Variants in EPN1 observed in about 807,000 individuals in gnomAD.
EPN1 encodes the protein epsin-1.
A neutral mutation model predicts 56.9 loss-of-function variants in EPN1; 25 were observed. The ratio of observed to expected loss-of-function variants is 0.44; its 90% confidence interval spans 0.32 to 0.61. The LOEUF (loss-of-function observed/expected upper bound fraction) is 0.61, where lower values mean the gene tolerates loss of function less well. EPN1 is among the 20% of genes least tolerant of loss of function. The pLI, the probability that EPN1 is intolerant of heterozygous loss-of-function variation, is 0.05. For missense variants in EPN1, 785 were observed against 823.7 expected, an observed-to-expected ratio of 0.95 and a Z score of 0.58; for synonymous variants, 411 against 361.8, an observed-to-expected ratio of 1.14 and a Z score of -1.54.
rs1323034565 is a variant in EPN1 at position 55,706,280 on chromosome 19, C to CTTTTTTTTTTTTTTTTTTTTTTTTTT, written c.*10926_*10927insTTTTTTTTTTTTTTTTTTTTTTTTTT. ...TTTCTTCCTTTCTTCTCTTTTTCTTCTTCTTTTTTTTTTTTTTTTAAAAGA... is the reference window on the plus strand; with the variant it reads ...TTTCTTCCTTTCTTCTCTTTTTCTTCTTTTTTTTTTTTTTTTTTTTTTTTTTTTCTTTTTTTTTTTTTTTTAAAAGA... On this transcript the variant is annotated 3_prime_UTR_variant, in exon 11 of 11. Coordinates refer to ENST00000270460, the MANE Select transcript of EPN1 (RefSeq NM_001130072.2). 7.7e-6 allele frequency: 1 copy of CTTTTTTTTTTTTTTTTTTTTTTTTTT among 129,302 alleles called. No individual in the cohort carries two copies. The highest frequency in any genetic ancestry group is 3.2e-5 in the African/African-American group (1 of 31,642). The allele number at this position is 129,302 out of a possible 1,614,324, so 8.0% of individuals were successfully genotyped here. A position where few individuals can be genotyped will look rare whatever the true frequency, so the allele number is the denominator to read the frequency against.
chr19:55,688,932 A>T lies in EPN1; in HGVS notation c.541A>T (p.Ser181Cys). Reference protein sequence around the residue: ...PEAEQAWPQSSGEEELQLQLA... With the variant: ...PEAEQAWPQSCGEEELQLQLA... The stretch of plus-strand genomic sequence containing the variant: ...GGCGGAGCAGGCGTGGCCGCAGAGC[A>T]GCGGGGAGGAGGAGCTGCAGCTCCA... The change falls in exon 4 of 11, where the codon AGC becomes TGC. Residue 181 changes from serine to cysteine, a missense_variant. Physicochemically the swap from Ser to Cys is moderately radical, Grantham distance 112. Around this residue, in one of 2 missense-constraint regions of EPN1, gnomAD observed 650 missense variants for 605.0 expected, o/e 1.07. Transcript: ENST00000270460. 6.3e-7 allele frequency: 1 copy of T among 1,595,134 alleles called. No individual in the cohort carries two copies. The highest frequency in any genetic ancestry group is 8.5e-7 in the Non-Finnish European group (1 of 1,172,704).
chr19:55,695,202 C>A lies in EPN1; in HGVS notation c.1577C>A (p.Ala526Glu), dbSNP rs534374149. The A allele has an allele frequency of 6.2e-7, 1 of 1,613,620 alleles. No homozygotes were observed. Among genetic ancestry groups the A allele is most frequent in the South Asian group, 1.1e-5 (1 of 91,082 alleles). Residue 526 changes from alanine to glutamate, a missense_variant, in exon 11 of 11, where the codon GCG (alanine) becomes GAG (glutamate). Physicochemically the swap from Ala to Glu is moderately radical, Grantham distance 107. Coordinates refer to ENST00000270460, the MANE Select transcript of EPN1 (RefSeq NM_001130072.2). The surrounding 1 kb of genome is among the most constrained non-coding windows in gnomAD (Gnocchi z 4.4). The stretch of plus-strand genomic sequence containing the variant: ...AACCCCTTCCAGCCCGCGCCTCCCG[C>A]GACGCTCACCCTGAACCAGCTCCGT... ...VTNPFQPAPP[A>E]TLTLNQLRLS...
rs1229957682 is a variant in EPN1, at chr19:55,701,591, C to T, written c.*6235C>T. 1 of 152,144 alleles carries T rather than the reference C, an allele frequency of 6.6e-6. No homozygotes were observed. The highest frequency in any genetic ancestry group is 1.9e-4 in the East Asian group (1 of 5,192). 9.4% of individuals were successfully genotyped at this position (152,144 alleles called of 1,614,324 possible). ...CCCAGCAGTTCTCAGAAGGAGCTGA[C>T]ATTAATGAGAACTTCTCCCTGTTAG... On this transcript the variant is annotated 3_prime_UTR_variant, in exon 11 of 11. Transcript: ENST00000270460.
intron 2 of EPN1, among the ~76,000 whole-genome samples, chr19:55,679,440 C>A (rs1024453989): frequency 1.3e-5 from 2 of 152,220 alleles, no homozygotes; most frequent in African/African-American, 4.8e-5. Flanking sequence ...GTCCCTGAAT[C>A]TCCCTCTGTG....
At chr19:55,680,141 T>A (rs117814884) in intron 2 of EPN1, among the ~76,000 whole-genome samples, 5,661 of 152,238 alleles carry the variant, frequency 0.037, 194 homozygotes, top group South Asian at 0.15. Context: ...AGAGGGGACG[T>A]GGCCTCCAGT....
intron 3 of EPN1, among the ~76,000 whole-genome samples, chr19:55,686,770 T>C (rs1301874500): frequency 6.7e-6 from 1 of 149,642 alleles, no homozygotes; most frequent in African/African-American, 2.5e-5. Context: ...CAGGAGGGAG[T>C]GTAGGCGGCA....
At position 55,708,799 on chromosome 19, in the gene EPN1, G is replaced by T; in HGVS notation, c.*13443G>T. The T allele has an allele frequency of 1.4e-6, 1 of 694,286 alleles. No homozygotes were observed. Among genetic ancestry groups the T allele is most frequent in the Non-Finnish European group, 2.3e-6 (1 of 427,712 alleles). The allele number at this position is 694,286 out of a possible 1,614,324, so 43.0% of individuals were successfully genotyped here. On this transcript the variant is annotated 3_prime_UTR_variant, in exon 11 of 11. Transcript: ENST00000270460. ...GCTAGAACACTTAGGGAGTACCTCT[G>T]AAATCACAGCCCTGCTGCCATGATG...
At chr19:55,677,676 T>C in intron 1 of EPN1, 1 of 1,551,426 alleles carries the variant, frequency 6.4e-7, no homozygotes, top group Non-Finnish European at 8.7e-7. Context: ...AGCCTTGGGC[T>C]TCCGCTATCC....
chr19:55,692,809 G>A lies in EPN1; in HGVS notation c.1177+13G>A, dbSNP rs1485607696. The stretch of plus-strand genomic sequence containing the variant: ...AATGGCACAACAGGTACTGGAATGG[G>A]GGTGGGAATGGAGCCCCGGGTGGGA... On this transcript the variant is annotated intron_variant, in intron 8 of 10. Coordinates refer to ENST00000270460, the MANE Select transcript of EPN1 (RefSeq NM_001130072.2). 6.3e-7 allele frequency: 1 copy of A among 1,592,802 alleles called. No individual in the cohort carries two copies.
Position 55,694,286 on chromosome 19 carries a change from C to G in EPN1, c.1265-440C>G, listed in dbSNP as rs1225011075. 1 of 171,164 alleles carries G rather than the reference C, an allele frequency of 5.8e-6. No homozygotes were observed. The highest frequency in any genetic ancestry group is 1.2e-5 in the Non-Finnish European group (1 of 81,422). 10.6% of individuals were successfully genotyped at this position (171,164 alleles called of 1,614,324 possible). The stretch of plus-strand genomic sequence containing the variant: ...AGCCAACAGATGTCTTCACGCTGGC[C>G]CGGAACACGTGTCTGTGCTGTCTGT... On this transcript the variant is annotated intron_variant, in intron 9 of 10. Coordinates refer to ENST00000270460, the MANE Select transcript of EPN1 (RefSeq NM_001130072.2). The surrounding 1 kb of genome is among the most constrained non-coding windows in gnomAD (Gnocchi z 4.2).
Position 55,691,716 on chromosome 19 carries a change from C to A in EPN1, c.763-38C>A. The A allele has an allele frequency of 6.3e-7, 1 of 1,587,288 alleles. No individual in the cohort carries two copies. Among genetic ancestry groups the A allele is most frequent in the Non-Finnish European group, 8.6e-7 (1 of 1,163,590 alleles). ...TTGGTCCCTGTCCCAGGCTTCCCAC[C>A]ACTTCTTCATGCTCCTTCTCTTCTC... On this transcript the variant is annotated intron_variant, in intron 6 of 10. Coordinates refer to ENST00000270460, the MANE Select transcript of EPN1 (RefSeq NM_001130072.2). This position sits in a 1 kb window ranked among gnomAD's most constrained non-coding sequence, Gnocchi z 5.6.
rs530467445 is a variant in EPN1, at chr19:55,691,297, G to C, written c.763-457G>C. Among the ~76,000 whole-genome samples, 2 of 152,222 alleles carry C rather than the reference G, an allele frequency of 1.3e-5. No homozygotes were observed. The highest frequency in any genetic ancestry group is 4.1e-4 in the South Asian group (2 of 4,828). On this transcript the variant is annotated intron_variant, in intron 6 of 10. Transcript: ENST00000270460. The surrounding 1 kb of genome is among the most constrained non-coding windows in gnomAD (Gnocchi z 5.6). The stretch of plus-strand genomic sequence containing the variant: ...CAGGTTGACCTGAGTGGGTTCATGG[G>C]GGGCTTCCCAGGGGAAGGCATGGAG...
At position 55,689,102 on chromosome 19, in the gene EPN1, A is replaced by C; in HGVS notation, c.603+108A>C. On this transcript the variant is annotated intron_variant, in intron 4 of 10. Coordinates refer to ENST00000270460, the MANE Select transcript of EPN1 (RefSeq NM_001130072.2). The surrounding 1 kb of genome is among the most constrained non-coding windows in gnomAD (Gnocchi z 5.7). Reference sequence around the variant, plus strand: ...CTGGCCCTCACTGTCGCTGCTCCACATGCTGTCACTCGTCTCCTCCCCAGT... The same window carrying C: ...CTGGCCCTCACTGTCGCTGCTCCACCTGCTGTCACTCGTCTCCTCCCCAGT... 7.1e-7 allele frequency: 1 copy of C among 1,404,484 alleles called. No homozygotes were observed. Among genetic ancestry groups the C allele is most frequent in the Non-Finnish European group, 9.5e-7 (1 of 1,055,882 alleles). 87.0% of individuals were successfully genotyped at this position (1,404,484 alleles called of 1,614,324 possible).
rs35628789 is a variant in EPN1, at chr19:55,702,895, T to C, written c.*7539T>C. ...CTGCAAGCTCCACCTCCCGGGTTCATGCCATTCTCCTGCCTCAGCCTCCCG... is the reference window on the plus strand; with the variant it reads ...CTGCAAGCTCCACCTCCCGGGTTCACGCCATTCTCCTGCCTCAGCCTCCCG... On this transcript the variant is annotated 3_prime_UTR_variant, in exon 11 of 11. Transcript: ENST00000270460. The C allele has an allele frequency of 0.18, 27,852 of 150,952 alleles. 3,034 individuals are homozygous for C. The highest frequency in any genetic ancestry group is 0.3 in the African/African-American group (12,356 of 41,180). 9.4% of individuals were successfully genotyped at this position (150,952 alleles called of 1,614,324 possible).
chr19:55,683,222 A>G (rs1173710258), intron 2 of EPN1, among the ~76,000 whole-genome samples: 3 of 137,706 alleles, frequency 2.2e-5, no homozygotes, highest in Non-Finnish European at 4.7e-5. Context: ...TGCCTGGCTA[A>G]TTTTTTGTAT....
In EPN1 at chr19:55,703,926, G is replaced by A. The variant is rs1188662283; in HGVS notation, c.*8570G>A. The A allele has an allele frequency of 2.6e-5, 4 of 152,248 alleles. No homozygotes were observed. The highest frequency in any genetic ancestry group is 5.9e-5 in the Non-Finnish European group (4 of 68,048). 9.4% of individuals were successfully genotyped at this position (152,248 alleles called of 1,614,324 possible). A position where few individuals can be genotyped will look rare whatever the true frequency, so the allele number is the denominator to read the frequency against. On this transcript the variant is annotated 3_prime_UTR_variant, in exon 11 of 11. Coordinates refer to ENST00000270460, the MANE Select transcript of EPN1 (RefSeq NM_001130072.2). Reference sequence around the variant, plus strand: ...CGCCGGAGAGCGGACGGAGCCGCAGGCGGGGTTGTGGGAAGACGCTGGGAT... The same window carrying A: ...CGCCGGAGAGCGGACGGAGCCGCAGACGGGGTTGTGGGAAGACGCTGGGAT...
chr19:55,689,837 G>A lies in EPN1; in HGVS notation c.679-30G>A, dbSNP rs1480552147. On this transcript the variant is annotated intron_variant, in intron 5 of 10. Transcript: ENST00000270460. This position sits in a 1 kb window ranked among gnomAD's most constrained non-coding sequence, Gnocchi z 5.7. ...ATCTGCCCGTGGCTCACGTTCTCAT[G>A]TCTCCCTGGTCGTGCCCGTGCCCCA... is the stretch of plus-strand genomic sequence containing the variant. 2 of 1,576,454 alleles carry A rather than the reference G, an allele frequency of 1.3e-6. No individual in the cohort carries two copies. Among genetic ancestry groups the A allele is most frequent in the African/African-American group, 2.7e-5 (2 of 74,258 alleles).
Position 55,688,900 on chromosome 19 carries a change from C to T in EPN1, c.509C>T (p.Pro170Leu), listed in dbSNP as rs548065250. The T allele has an allele frequency of 8.9e-6, 14 of 1,581,492 alleles. No individual in the cohort carries two copies. The highest frequency in any genetic ancestry group is 1.7e-4 in the Middle Eastern group (1 of 6,016). ...TCAGCAGCTGTGGGCTCAGGCCCCC[C>T]TCCCGAGGCGGAGCAGGCGTGGCCG... ...ASSAAVGSGP[P>L]PEAEQAWPQS... is the part of the protein sequence containing the mutation. The change falls in exon 4 of 11, where the codon CCT becomes CTT. Residue 170 changes from proline (P) to leucine (L), a missense_variant. By Grantham distance (98) the Pro-to-Leu change is moderately conservative. Coordinates refer to ENST00000270460, the MANE Select transcript of EPN1 (RefSeq NM_001130072.2).
At position 55,675,409 on chromosome 19, in the gene EPN1, C is replaced by G. The variant is rs931533798; in HGVS notation, c.-128C>G. 6.6e-6 allele frequency: 1 copy of G among 151,922 alleles called. No individual in the cohort carries two copies. Among genetic ancestry groups the G allele is most frequent in the East Asian group, 1.9e-4 (1 of 5,156 alleles). The allele number at this position is 151,922 out of a possible 1,614,324, so 9.4% of individuals were successfully genotyped here. ...GGCAGGGGGCTGACCGCCATGACCC[C>G]CCAGAGCCCGGCGTGAGGGGGCCGA... On this transcript the variant is annotated 5_prime_UTR_variant, in exon 1 of 11. Coordinates refer to ENST00000270460, the MANE Select transcript of EPN1 (RefSeq NM_001130072.2).
Sources: gnomAD v4.1 joint callset for allele counts (sites outside exome capture counted in the v4.1 genomes callset) on GRCh38, gnomAD v4.1.1 for gene constraint, gnomAD v4.1.1 regional missense constraint, Gnocchi (gnomAD v3.1) non-coding constraint, MANE v1.5 for transcripts, NCBI Gene and HGNC (gene_info 2026-07-23, HGNC 2026-07-21) for gene names.